Variants in GULP1 observed in about 807,000 individuals in gnomAD.
GULP1 encodes GULP PTB domain containing engulfment adaptor 1.
A neutral mutation model predicts 40.9 loss-of-function variants in GULP1; 19 were observed. The observed-to-expected ratio is 0.46, with a 90% CI of 0.32 to 0.68. The LOEUF is 0.68. GULP1 is among the 30% of genes least tolerant of loss of function. The pLI, the probability that GULP1 is intolerant of heterozygous loss-of-function variation, is 0.03. For missense variants in GULP1, 312 were observed against 362.2 expected (o/e 0.86, Z 1.12); for synonymous variants, 119 against 117.6 (o/e 1.01, Z -0.08).
At chr2:188,526,377 C>T (rs1686157961) in intron 5 of GULP1, among the ~76,000 whole-genome samples, 1 of 151,878 alleles carries the variant, frequency 6.6e-6, no homozygotes, top group Non-Finnish European at 1.5e-5. Flanking sequence ...GAAATAAATC[C>T]ACTGAAGCAA....
At chr2:188,503,569 A>C (rs931600571) in intron 4 of GULP1, among the ~76,000 whole-genome samples, 5 of 151,918 alleles carry the variant, frequency 3.3e-5, no homozygotes, top group African/African-American at 1.2e-4. Context: ...AATTCGAGAT[A>C]AGATTTGTGT....
chr2:188,398,601 T>C lies in GULP1; in HGVS notation c.-45+14712T>C, dbSNP rs527934845. ...ATTAATTACTATTTGAATAAAATGA[T>C]GAAACCTAGAAAAGTGGTTTTTCAT... On this transcript the variant is annotated intron_variant, in intron 2 of 11. Transcript: ENST00000409830. 2.1e-4 allele frequency among the ~76,000 whole-genome samples: 32 copies of C among 152,338 alleles called. No homozygotes were observed. In the South Asian group the frequency reaches 6.4e-3, roughly 31 times the overall value.
chr2:188,467,752 TACTA>T (rs2060247154), intron 2 of GULP1, among the ~76,000 whole-genome samples: 1 of 152,164 alleles, frequency 6.6e-6, no homozygotes, highest in Admixed American at 6.5e-5. Flanking sequence ...ACATATGAGA[TACTA>T]AATAAACATT....
In GULP1 at chr2:188,314,507, T is replaced by C. The variant is rs568048323; in HGVS notation, c.-172+22341T>C. Among the ~76,000 whole-genome samples, 20 of 152,280 alleles carry C rather than the reference T, an allele frequency of 1.3e-4. 1 individual carries two copies. In the Middle Eastern group the frequency reaches 0.017, roughly 130 times the overall value. ...TGCCCAAGGTCACACAGCTAGGATGTAGGCCTCAGCCAAATTTGTAGTCAG... is the reference window on the plus strand; with the variant it reads ...TGCCCAAGGTCACACAGCTAGGATGCAGGCCTCAGCCAAATTTGTAGTCAG... On this transcript the variant is annotated intron_variant, in intron 1 of 11. Transcript: ENST00000409830.
At chr2:188,510,490 C>T (rs1222386959) in intron 4 of GULP1, among the ~76,000 whole-genome samples, 1 of 151,612 alleles carries the variant, frequency 6.6e-6, no homozygotes, top group Non-Finnish European at 1.5e-5. Flanking sequence ...GTAAGCTGAC[C>T]ACATACTGGG....
intron 2 of GULP1, among the ~76,000 whole-genome samples, chr2:188,470,918 T>C (rs1366515420): frequency 1.3e-5 from 2 of 152,202 alleles, no homozygotes; most frequent in Non-Finnish European, 2.9e-5. Context: ...AAATATCTGT[T>C]ACCTCCATTT....
At chr2:188,374,841 A>G (rs2048095682) in intron 1 of GULP1, among the ~76,000 whole-genome samples, 1 of 152,102 alleles carries the variant, frequency 6.6e-6, no homozygotes, top group South Asian at 2.1e-4. Flanking sequence ...GGGTGGTGAC[A>G]GGAAAGCATA....
intron 1 of GULP1, among the ~76,000 whole-genome samples, chr2:188,313,079 C>T (rs866536913): frequency 1.3e-4 from 20 of 152,192 alleles, no homozygotes; most frequent in South Asian, 4.1e-4. Context: ...TGCCTGTTCA[C>T]GCTGATGATA....
In GULP1 at chr2:188,324,423, G is replaced by T. The variant is rs78982148; in HGVS notation, c.-172+32257G>T. ...CTTTTCAATGCTCTATCTTCAAGAA[G>T]AATAATATTCAGAAGAGCCTTCTTT... is the stretch of plus-strand genomic sequence containing the variant. On this transcript the variant is annotated intron_variant, in intron 1 of 11. Transcript: ENST00000409830. Among the ~76,000 whole-genome samples the T allele has an allele frequency of 8.0e-3, 1,219 of 152,106 alleles. 38 individuals are homozygous for T. Among genetic ancestry groups the T allele is most frequent in the Admixed American group, 0.061 (929 of 15,256 alleles).
At chr2:188,413,444 A>G (rs1190326281) in intron 2 of GULP1, among the ~76,000 whole-genome samples, 1 of 152,130 alleles carries the variant, frequency 6.6e-6, no homozygotes, top group Non-Finnish European at 1.5e-5. Flanking sequence ...ACCAGTGATG[A>G]TGAGCATTTT....
intron 1 of GULP1, among the ~76,000 whole-genome samples, chr2:188,322,089 A>C (rs2106616596): frequency 6.6e-6 from 1 of 152,252 alleles, no homozygotes; most frequent in East Asian, 1.9e-4. Context: ...AAATTATCTA[A>C]AGTATCACCA....
intron 4 of GULP1, among the ~76,000 whole-genome samples, chr2:188,499,110 T>C (rs1053148551): frequency 1.4e-5 from 2 of 139,266 alleles, no homozygotes; most frequent in African/African-American, 2.6e-5. Context: ...TATATATACA[T>C]ATACAAATGC....
At chr2:188,592,720 A>T (rs1022660109) in intron 11 of GULP1, 2 of 152,210 alleles carry the variant, frequency 1.3e-5, no homozygotes, top group East Asian at 3.9e-4. Context: ...CTATATGATG[A>T]TGTTTACATT....
At chr2:188,431,069 A>T (rs555719839) in intron 2 of GULP1, among the ~76,000 whole-genome samples, 1 of 152,194 alleles carries the variant, frequency 6.6e-6, no homozygotes, top group East Asian at 1.9e-4. Context: ...ACTCCCCCAT[A>T]TATACACCAA....
At chr2:188,294,726 A>T (rs2034556647) in intron 1 of GULP1, among the ~76,000 whole-genome samples, 1 of 152,162 alleles carries the variant, frequency 6.6e-6, no homozygotes, top group South Asian at 2.1e-4. Flanking sequence ...CCTGACTATG[A>T]TTTCAGTTTT....
intron 1 of GULP1, among the ~76,000 whole-genome samples, chr2:188,344,205 A>T (rs1337290138): frequency 6.6e-6 from 1 of 152,242 alleles, no homozygotes; most frequent in Non-Finnish European, 1.5e-5. Flanking sequence ...AGGAATGAGG[A>T]TATATGCTTG....
intron 1 of GULP1, chr2:188,294,026 C>T (rs1176097174): frequency 6.6e-6 from 1 of 152,172 alleles, no homozygotes; most frequent in Non-Finnish European, 1.5e-5. Context: ...AAAAGGGCTC[C>T]AGGAGCAAAG....
At position 188,595,217 on chromosome 2, in the gene GULP1, C is replaced by T. The variant is rs543753355; in HGVS notation, c.*1206C>T. 6.6e-5 allele frequency: 10 copies of T among 151,636 alleles called. No individual in the cohort carries two copies. The highest frequency in any genetic ancestry group is 2.2e-4 in the African/African-American group (9 of 41,466). The allele number at this position is 151,636 out of a possible 1,614,324, so 9.4% of individuals were successfully genotyped here. On this transcript the variant is annotated 3_prime_UTR_variant, in exon 12 of 12. Coordinates refer to ENST00000409830, the MANE Select transcript of GULP1 (RefSeq NM_016315.4). ...TTTACCTAACAGACTAATTTGTACTCAGTAAAACAAAAATTTATGGTCAAA... is the reference window on the plus strand; with the variant it reads ...TTTACCTAACAGACTAATTTGTACTTAGTAAAACAAAAATTTATGGTCAAA...
intron 4 of GULP1, among the ~76,000 whole-genome samples, chr2:188,511,381 T>A (rs1487906967): frequency 1.3e-5 from 2 of 152,316 alleles, no homozygotes; most frequent in East Asian, 1.9e-4. Context: ...TAGTGAGAAA[T>A]GAATTGTGAA....
Sources: gnomAD v4.1 joint callset for allele counts (sites outside exome capture counted in the v4.1 genomes callset) on GRCh38, gnomAD v4.1.1 for gene constraint, MANE v1.5 for transcripts, NCBI Gene and HGNC (gene_info 2026-07-23, HGNC 2026-07-21) for gene names.